LNP1: variants seen among roughly 807,000 people sequenced by gnomAD.
LNP1 encodes the protein leukemia NUP98 fusion partner 1.
In LNP1, 12 loss-of-function variants were observed where a neutral mutation model predicts 14.5. The observed-to-expected ratio is 0.83, with a 90% CI of 0.53 to 1.34. The LOEUF (loss-of-function observed/expected upper bound fraction) is 1.34, where lower values mean the gene tolerates loss of function less well. Ranked by LOEUF, LNP1 falls within the 40% of genes most tolerant of loss-of-function variation. LNP1 has a pLI of 0.00. For synonymous variants in LNP1, 75 were observed against 71.4 expected (o/e 1.05, Z -0.26); for missense variants, 198 against 210.9 (o/e 0.94, Z 0.38).
At chr3:100,410,291 A>G (rs1559839423) in intron 1 of LNP1, among the ~76,000 whole-genome samples, 2 of 152,232 alleles carry the variant, frequency 1.3e-5, no homozygotes, top group Non-Finnish European at 2.9e-5. Context: ...CTTAGAGAAT[A>G]CATAAATACA....
chr3:100,427,299 GGA>G (rs1234471212), intron 1 of LNP1, among the ~76,000 whole-genome samples: 1 of 152,064 alleles, frequency 6.6e-6, no homozygotes, highest in Non-Finnish European at 1.5e-5. Flanking sequence ...CTCATCTAGA[GGA>G]GAGAACAAAA....
intron 1 of LNP1, among the ~76,000 whole-genome samples, chr3:100,413,128 A>G (rs1331661176): frequency 6.6e-6 from 1 of 152,252 alleles, no homozygotes; most frequent in Non-Finnish European, 1.5e-5. Context: ...GCCTCTGGCT[A>G]GATCCCAGTC....
chr3:100,453,710 A>G (rs1385001562), intron 3 of LNP1, among the ~76,000 whole-genome samples: 2 of 152,032 alleles, frequency 1.3e-5, no homozygotes, highest in Admixed American at 6.6e-5. Flanking sequence ...CTTCACCTAG[A>G]TTACCTCCAA....
Position 100,402,146 on chromosome 3 carries a change from TA to T in LNP1, c.-323del, listed in dbSNP as rs1706916425. 1 of 152,256 alleles carries T rather than the reference TA, an allele frequency of 6.6e-6. No individual in the cohort carries two copies. Among genetic ancestry groups the T allele is most frequent in the Admixed American group, 6.5e-5 (1 of 15,284 alleles). 9.4% of individuals were successfully genotyped at this position (152,256 alleles called of 1,614,324 possible). On this transcript the variant is annotated 5_prime_UTR_variant, in exon 1 of 4. Transcript: ENST00000383693. ...GCTCTGCACCAGATCTCTTAAAATA[TA>T]AAATTACCTTGCAAGGTATTGTTTG...
intron 2 of LNP1, among the ~76,000 whole-genome samples, chr3:100,447,432 C>T (rs540223810): frequency 2.3e-4 from 35 of 151,978 alleles, no homozygotes; most frequent in Admixed American, 1.2e-3. Flanking sequence ...GGGAACATCA[C>T]ATACTGGGGC....
At chr3:100,440,962 G>A (rs1004723166) in intron 2 of LNP1, among the ~76,000 whole-genome samples, 2 of 152,176 alleles carry the variant, frequency 1.3e-5, no homozygotes, top group African/African-American at 4.8e-5. Context: ...AGGGAGTAGG[G>A]TTGTGGATGA....
At chr3:100,411,865 A>G (rs143267585) in intron 1 of LNP1, among the ~76,000 whole-genome samples, 3 of 152,182 alleles carry the variant, frequency 2.0e-5, no homozygotes, top group African/African-American at 7.2e-5. Flanking sequence ...GCTTCAACAT[A>G]TGGATTTTGG....
chr3:100,440,370 A>AT (rs1186611568), intron 2 of LNP1, among the ~76,000 whole-genome samples: 1 of 152,064 alleles, frequency 6.6e-6, no homozygotes, highest in Non-Finnish European at 1.5e-5. Context: ...TAAGCTTATT[A>AT]TTTTTTCTTT....
Position 100,455,778 on chromosome 3 carries a change from G to C in LNP1, c.389G>C (p.Gly130Ala). ...CTGTTTCTGATCTTTCCCTTTCAGG[G>C]ACCTGAAAGCAGAAAGGAGAGAAAT... ...CFRTKRSASL[G>A]PESRKERNER... Residue 130 changes from glycine (G) to alanine (A), a missense_variant and splice_region_variant, in exon 4 of 4, where the codon GGA becomes GCA. Coordinates refer to ENST00000383693, the MANE Select transcript of LNP1 (RefSeq NM_001085451.2). 6.2e-7 allele frequency: 1 copy of C among 1,613,630 alleles called. No homozygotes were observed.
At chr3:100,419,276 T>C (rs1410342785) in intron 1 of LNP1, among the ~76,000 whole-genome samples, 1 of 152,238 alleles carries the variant, frequency 6.6e-6, no homozygotes, top group East Asian at 1.9e-4. Flanking sequence ...TAGAGAAGTT[T>C]CTTTTTCTTG....
chr3:100,455,889 C>A lies in LNP1; in HGVS notation c.500C>A (p.Ala167Glu). 6.2e-7 allele frequency: 1 copy of A among 1,613,880 alleles called. No homozygotes were observed. The highest frequency in any genetic ancestry group is 8.5e-7 in the Non-Finnish European group (1 of 1,179,910). Reference sequence around the variant, plus strand: ...TCTAGGAAAGAAGAGCATGGAGAAGCACACATGGCTCCCCTGTTTGAAAAA... The same window carrying A: ...TCTAGGAAAGAAGAGCATGGAGAAGAACACATGGCTCCCCTGTTTGAAAAA... ...RSSRKEEHGEAHMAPLFEKGP... is the reference protein window; with the variant it reads ...RSSRKEEHGEEHMAPLFEKGP... Residue 167 changes from alanine (A) to glutamate (E), a missense_variant, in exon 4 of 4, where the codon GCA becomes GAA. Physicochemically the swap from Ala to Glu is moderately radical, Grantham distance 107. Coordinates refer to ENST00000383693, the MANE Select transcript of LNP1 (RefSeq NM_001085451.2).
chr3:100,427,650 A>G (rs1265961045), intron 1 of LNP1, among the ~76,000 whole-genome samples: 2 of 152,258 alleles, frequency 1.3e-5, no homozygotes, highest in Non-Finnish European at 2.9e-5. Context: ...GGGATTTGCT[A>G]GAACTCAGCA....
chr3:100,445,442 C>T (rs1017577836), intron 2 of LNP1, among the ~76,000 whole-genome samples: 1 of 152,064 alleles, frequency 6.6e-6, no homozygotes, highest in African/African-American at 2.4e-5. Flanking sequence ...TTCTACAGGG[C>T]CTGAAGATAG....
chr3:100,452,202 C>CTTTTT (rs1321009854), intron 3 of LNP1, among the ~76,000 whole-genome samples: 8 of 129,320 alleles, frequency 6.2e-5, no homozygotes, highest in African/African-American at 1.2e-4. Context: ...GTTTTTCTTT[C>CTTTTT]TTTTTTTTTT....
At chr3:100,449,776 C>G (rs985917465) in intron 2 of LNP1, among the ~76,000 whole-genome samples, 1 of 152,058 alleles carries the variant, frequency 6.6e-6, no homozygotes, top group Non-Finnish European at 1.5e-5. Context: ...TCATTGAGCT[C>G]CTTAAAAAAA....
chr3:100,439,277 TAA>T (rs559849558), intron 2 of LNP1, among the ~76,000 whole-genome samples: 2,154 of 140,932 alleles, frequency 0.015, 27 homozygotes, highest in African/African-American at 0.043. Context: ...CGAAAAATAC[TAA>T]AAAAAAAAAG....
chr3:100,442,205 A>G (rs932112200), intron 2 of LNP1, among the ~76,000 whole-genome samples: 3 of 152,192 alleles, frequency 2.0e-5, no homozygotes, highest in Non-Finnish European at 4.4e-5. Context: ...TAAGCAACAA[A>G]GCTAGTCTCA....
chr3:100,452,655 T>G (rs1206805503), intron 3 of LNP1, among the ~76,000 whole-genome samples: 1 of 152,218 alleles, frequency 6.6e-6, no homozygotes, highest in Non-Finnish European at 1.5e-5. Flanking sequence ...ATGATGGTGT[T>G]TTGTTCTCCT....
intron 1 of LNP1, among the ~76,000 whole-genome samples, chr3:100,426,640 A>G (rs544027794): frequency 6.6e-6 from 1 of 152,340 alleles, no homozygotes; most frequent in African/African-American, 2.4e-5. Context: ...TTTAAAATTC[A>G]AAAGGTGTTT....
Sources: allele counts gnomAD v4.1 joint callset (sites outside exome capture counted in the v4.1 genomes callset), GRCh38; gene constraint gnomAD v4.1.1; transcripts MANE v1.5; gene names NCBI Gene and HGNC (gene_info 2026-07-23, HGNC 2026-07-21).